Variants in THNSL1 observed in about 807,000 individuals in gnomAD.
The protein encoded by THNSL1 is threonine synthase-like 1.
In THNSL1, 48 loss-of-function variants were observed where a neutral mutation model predicts 50.4. The observed-to-expected ratio is 0.95, with a 90% CI of 0.76 to 1.21. The LOEUF (loss-of-function observed/expected upper bound fraction) is 1.21, where lower values mean the gene tolerates loss of function less well. Among genes scored for constraint, THNSL1 ranks in the 50% most tolerant of loss-of-function variants. The probability of loss-of-function intolerance (pLI) is 0.00; values close to 1 mark genes in which losing one functional copy is unlikely to be tolerated. For missense variants in THNSL1, 896 were observed against 871.7 expected (o/e 1.03, Z -0.35); for synonymous variants, 309 against 306.1 (o/e 1.01, Z -0.10).
the THNSL1 span, among the ~76,000 whole-genome samples, chr10:25,006,981 T>C: frequency 2.2e-4 from 33 of 152,326 alleles, no homozygotes; most frequent in Middle Eastern, 3.4e-3. Context: ...ACATTGAACA[T>C]ATTGCTATTA....
At chr10:24,972,309 A>G in the THNSL1 span, among the ~76,000 whole-genome samples, 2 of 151,610 alleles carry the variant, frequency 1.3e-5, no homozygotes, top group Non-Finnish European at 2.9e-5. Flanking sequence ...GGAGTTTGAG[A>G]CCAGCCTGGC....
At chr10:24,986,523 A>C in the THNSL1 span, among the ~76,000 whole-genome samples, 1 of 152,236 alleles carries the variant, frequency 6.6e-6, no homozygotes, top group African/African-American at 2.4e-5. Context: ...TGAAATGTGA[A>C]AGAGGTTCCC....
chr10:25,021,860 A>T lies in THNSL1; in HGVS notation c.-97A>T, dbSNP rs560382829. On this transcript the variant is annotated 5_prime_UTR_variant, in exon 2 of 3. In the 5' UTR this introduces an upstream ATG that the reference lacks. Transcript: ENST00000376356. ...TAAGCACAACACATATAAATTGAAA[A>T]GTCAAATAAGGAAATGAATTACCTC... The T allele has an allele frequency of 6.6e-6, 1 of 152,332 alleles. No individual in the cohort carries two copies. The highest frequency in any genetic ancestry group is 6.5e-5 in the Admixed American group (1 of 15,308). The allele number at this position is 152,332 out of a possible 1,614,324, so 9.4% of individuals were successfully genotyped here.
At chr10:24,989,282 C>T in the THNSL1 span, among the ~76,000 whole-genome samples, 2 of 152,304 alleles carry the variant, frequency 1.3e-5, no homozygotes, top group East Asian at 1.9e-4. Context: ...TGCCTGTCTG[C>T]CTTCCTCCTT....
chr10:25,015,880 C>A (rs765954999), upstream of THNSL1: 26 of 1,606,038 alleles, frequency 1.6e-5, no homozygotes, highest in Middle Eastern at 1.3e-3. Context: ...GGGGAGGCTC[C>A]TTCAAGTCAC....
chr10:24,991,616 G>T, the THNSL1 span, among the ~76,000 whole-genome samples: 340 of 152,240 alleles, frequency 2.2e-3, 1 homozygote, highest in African/African-American at 8.0e-3. Flanking sequence ...AGAGCTGCCC[G>T]GCTCCAGGGA....
At chr10:25,013,079 ACTCT>A (rs1436235498), upstream of THNSL1, among the ~76,000 whole-genome samples, 1 of 151,578 alleles carries the variant, frequency 6.6e-6, no homozygotes, top group Non-Finnish European at 1.5e-5. Flanking sequence ...CCCTGCACAC[ACTCT>A]CTTTCCTGCC....
the THNSL1 span, among the ~76,000 whole-genome samples, chr10:24,993,127 C>CT: frequency 6.6e-6 from 1 of 151,844 alleles, no homozygotes; most frequent in Non-Finnish European, 1.5e-5. Context: ...GACTCCATCT[C>CT]TAAAAAAAAT....
At chr10:24,984,758 T>C in the THNSL1 span, 1 of 1,612,366 alleles carries the variant, frequency 6.2e-7, no homozygotes, top group South Asian at 1.1e-5. Context: ...TAAATAATCT[T>C]GTGCTTTTCA....
chr10:24,960,786 C>T, the THNSL1 span, among the ~76,000 whole-genome samples: 1 of 151,982 alleles, frequency 6.6e-6, no homozygotes, highest in East Asian at 1.9e-4. Context: ...GACAGGGTCT[C>T]ACTCTGTTGC....
chr10:24,976,485 T>C, the THNSL1 span, among the ~76,000 whole-genome samples: 1 of 152,104 alleles, frequency 6.6e-6, no homozygotes, highest in Non-Finnish European at 1.5e-5. Flanking sequence ...CATTCTTTTT[T>C]CTTTTTCTTT....
chr10:24,967,030 A>G, the THNSL1 span, among the ~76,000 whole-genome samples: 1 of 152,288 alleles, frequency 6.6e-6, no homozygotes, highest in Non-Finnish European at 1.5e-5. Flanking sequence ...CTAAATAAGC[A>G]GATTTACTGC....
chr10:24,966,426 C>T, the THNSL1 span, among the ~76,000 whole-genome samples: 2 of 152,232 alleles, frequency 1.3e-5, no homozygotes, highest in Non-Finnish European at 2.9e-5. Context: ...TCCTTTCTCC[C>T]AGTGCTGTGG....
At chr10:25,011,321 G>A in the THNSL1 span, among the ~76,000 whole-genome samples, 3 of 152,040 alleles carry the variant, frequency 2.0e-5, 1 homozygote, top group East Asian at 5.8e-4. Flanking sequence ...ATTTGTTTGA[G>A]TTCATTGTAG....
the THNSL1 span, among the ~76,000 whole-genome samples, chr10:24,987,078 C>T: frequency 2.0e-5 from 3 of 152,208 alleles, no homozygotes. Context: ...AGTTCAGCCA[C>T]AGAAGGCCCT....
the THNSL1 span, among the ~76,000 whole-genome samples, chr10:25,010,316 G>A: frequency 6.6e-6 from 1 of 152,172 alleles, no homozygotes. Flanking sequence ...ATTTGAGAGA[G>A]ATGATTCCGG....
chr10:24,957,309 C>T, the THNSL1 span, among the ~76,000 whole-genome samples: 1 of 152,186 alleles, frequency 6.6e-6, no homozygotes, highest in African/African-American at 2.4e-5. Flanking sequence ...CCAGGTTCAT[C>T]CATGTTGTTG....
At chr10:25,015,717 C>G (rs1850553104), upstream of THNSL1, 1 of 737,030 alleles carries the variant, frequency 1.4e-6, no homozygotes, top group African/African-American at 1.8e-5. Flanking sequence ...GACCTTTTCT[C>G]TAACAAGTTA....
chr10:24,976,286 A>G, the THNSL1 span, among the ~76,000 whole-genome samples: 1,052 of 152,284 alleles, frequency 6.9e-3, 6 homozygotes, highest in Non-Finnish European at 0.01. Flanking sequence ...TCTAGAGTTA[A>G]TAAACAAGTA....
Sources: gnomAD v4.1 joint callset for allele counts (sites outside exome capture counted in the v4.1 genomes callset) on GRCh38, gnomAD v4.1.1 for gene constraint, MANE v1.5 for transcripts, NCBI Gene and HGNC (gene_info 2026-07-23, HGNC 2026-07-21) for gene names.